The following AGBL1 variants were observed in gnomAD, a reference collection of about 807,000 sequenced individuals.
The protein encoded by AGBL1 is cytosolic carboxypeptidase 4.
Under a neutral mutation model 118.9 loss-of-function variants are expected in AGBL1, and 130 were observed. The observed-to-expected ratio is 1.09, with a 90% confidence interval of 0.95 to 1.26. The LOEUF (loss-of-function observed/expected upper bound fraction) is 1.26. AGBL1 is among the 50% of genes most tolerant of loss of function. The probability of loss-of-function intolerance (pLI) is 0.00; values close to 1 mark genes in which losing one functional copy is unlikely to be tolerated. For missense variants in AGBL1, 1,584 were observed against 1,298.1 expected, an observed-to-expected ratio of 1.22 and a Z score of -3.38; for synonymous variants, 555 against 478.9, an observed-to-expected ratio of 1.16 and a Z score of -2.08.
At chr15:86,458,039 C>CT (rs1187725870) in intron 18 of AGBL1, among the ~76,000 whole-genome samples, 1 of 149,088 alleles carries the variant, frequency 6.7e-6, no homozygotes, top group African/African-American at 2.5e-5. Flanking sequence ...TCCTACTTTC[C>CT]TTTTTGGAAG....
intron 18 of AGBL1, among the ~76,000 whole-genome samples, chr15:86,427,641 C>T (rs935223104): frequency 1.3e-5 from 2 of 151,646 alleles, no homozygotes; most frequent in African/African-American, 4.8e-5. Flanking sequence ...TTTCATGAGA[C>T]AGCCCCAGTT....
intron 22 of AGBL1, among the ~76,000 whole-genome samples, chr15:86,698,721 A>C (rs749036690): frequency 8.6e-5 from 13 of 151,426 alleles, no homozygotes; most frequent in Admixed American, 4.0e-4. Flanking sequence ...CTAGTGCTGC[A>C]GTTTTTCTGG....
In AGBL1 at chr15:86,144,308, C is replaced by T. The variant is rs574721058; in HGVS notation, c.262+463C>T. On this transcript the variant is annotated intron_variant, in intron 3 of 22. Coordinates refer to ENST00000614907, the MANE Select transcript of AGBL1 (RefSeq NM_001386094.1). ...GAAATACCATTCGATCCAGCAATCC[C>T]GTTACTGGGTATATACCCAAAGGAA... Among the ~76,000 whole-genome samples the T allele has an allele frequency of 6.6e-5, 10 of 152,212 alleles. No homozygotes were observed. The South Asian group carries it at 2.1e-3, about 32-fold the overall frequency.
intron 3 of AGBL1, among the ~76,000 whole-genome samples, chr15:86,147,190 G>A (rs142689402): frequency 5.2e-4 from 79 of 152,324 alleles, no homozygotes; most frequent in African/African-American, 1.8e-3. Context: ...AGCAACTAGC[G>A]TGACTGACGC....
At chr15:86,139,588 G>T (rs940480808) in intron 1 of AGBL1, among the ~76,000 whole-genome samples, 1 of 151,104 alleles carries the variant, frequency 6.6e-6, no homozygotes, top group African/African-American at 2.4e-5. Context: ...GTGGAAACTC[G>T]TCTCTTCTGA....
intron 17 of AGBL1, among the ~76,000 whole-genome samples, chr15:86,326,568 GCTTTT>G (rs544566980): frequency 1.2e-4 from 19 of 152,076 alleles, no homozygotes; most frequent in African/African-American, 2.7e-4. Context: ...AATGTGTATA[GCTTTT>G]CTTTTCTTTT....
At chr15:86,769,246 T>C (rs28613104) in intron 22 of AGBL1, among the ~76,000 whole-genome samples, 15,240 of 144,456 alleles carry the variant, frequency 0.11, 2,038 homozygotes, top group African/African-American at 0.31. Flanking sequence ...GGAAGAGATA[T>C]TCCATTTTTA....
intron 21 of AGBL1, among the ~76,000 whole-genome samples, chr15:86,605,733 C>A (rs972448676): frequency 6.7e-6 from 1 of 149,664 alleles, no homozygotes; most frequent in Non-Finnish European, 1.5e-5. Flanking sequence ...ATTTTACTGA[C>A]GTGGACTCAG....
At chr15:86,872,819 G>A (rs1163575610) in intron 22 of AGBL1, among the ~76,000 whole-genome samples, 1 of 152,172 alleles carries the variant, frequency 6.6e-6, no homozygotes, top group African/African-American at 2.4e-5. Context: ...GATATGTTTA[G>A]CAATCCTGTT....
intron 22 of AGBL1, among the ~76,000 whole-genome samples, chr15:86,690,669 G>C (rs2086148729): frequency 6.6e-6 from 1 of 152,146 alleles, no homozygotes; most frequent in South Asian, 2.1e-4. Context: ...AGTAGTGTGT[G>C]GTAGGGTGTT....
At chr15:86,937,291 C>G (rs1224698876) in intron 23 of AGBL1, among the ~76,000 whole-genome samples, 3 of 152,198 alleles carry the variant, frequency 2.0e-5, no homozygotes, top group Non-Finnish European at 4.4e-5. Context: ...ACCCAGCAAT[C>G]TCATTACTGC....
chr15:86,590,372 T>G (rs1486265067), intron 21 of AGBL1, among the ~76,000 whole-genome samples: 1 of 152,070 alleles, frequency 6.6e-6, no homozygotes, highest in African/African-American at 2.4e-5. Context: ...TCTCACAAGA[T>G]CTGATGGTTT....
At chr15:86,213,507 CTG>C (rs1164021618) in intron 5 of AGBL1, among the ~76,000 whole-genome samples, 1 of 152,106 alleles carries the variant, frequency 6.6e-6, no homozygotes, top group African/African-American at 2.4e-5. Context: ...GCTTAAAACT[CTG>C]TGTTTTAACA....
intron 21 of AGBL1, among the ~76,000 whole-genome samples, chr15:86,635,325 C>CTCCTCTTA (rs1491537052): frequency 9.7e-6 from 1 of 102,832 alleles, no homozygotes; most frequent in African/African-American, 4.3e-5. Context: ...TCCTCCTCCT[C>CTCCTCTTA]CTCCTCCTCC....
chr15:86,424,526 A>C (rs998751949), intron 18 of AGBL1, among the ~76,000 whole-genome samples: 4 of 152,244 alleles, frequency 2.6e-5, no homozygotes, highest in Admixed American at 1.3e-4. Context: ...ACAAAAGCCA[A>C]AATTGACAAA....
chr15:86,586,704 A>ACAG (rs2084253668), intron 21 of AGBL1, among the ~76,000 whole-genome samples: 2 of 152,134 alleles, frequency 1.3e-5, no homozygotes, highest in African/African-American at 4.8e-5. Flanking sequence ...AATTCCTGGG[A>ACAG]GGTATACAAT....
In AGBL1 at chr15:86,135,812, G is replaced by A. The variant is rs12911063; in HGVS notation, c.52-6192G>A. Among the ~76,000 whole-genome samples, 37 of 152,112 alleles carry A rather than the reference G, an allele frequency of 2.4e-4. No homozygotes were observed. The South Asian group carries it at 5.4e-3, about 22-fold the overall frequency. On this transcript the variant is annotated intron_variant, in intron 1 of 22. Transcript: ENST00000614907. The stretch of plus-strand genomic sequence containing the variant: ...CCCCTCCCCTTAAATTTGGACTAGC[G>A]TCCAGATTGATTTGATTAATCAATA...
chr15:86,526,569 TATATACAC>T (rs879256387), intron 19 of AGBL1, among the ~76,000 whole-genome samples: 4,309 of 133,892 alleles, frequency 0.032, 103 homozygotes, highest in East Asian at 0.076. Flanking sequence ...TATATATATA[TATATACAC>T]ACAGAGTATA....
At chr15:86,621,994 C>G (rs2084812937) in intron 21 of AGBL1, among the ~76,000 whole-genome samples, 1 of 152,116 alleles carries the variant, frequency 6.6e-6, no homozygotes, top group Non-Finnish European at 1.5e-5. Flanking sequence ...CAGCTTCCCT[C>G]TAAATAATTC....
Sources: gnomAD v4.1 joint callset for allele counts (sites outside exome capture counted in the v4.1 genomes callset) on GRCh38, gnomAD v4.1.1 for gene constraint, MANE v1.5 for transcripts, NCBI Gene and HGNC (gene_info 2026-07-23, HGNC 2026-07-21) for gene names.